MBNL2: variants seen among roughly 807,000 people sequenced by gnomAD.
MBNL2 encodes the protein muscleblind like splicing regulator 2, also known as muscleblind-like protein 2.
In MBNL2, 17 loss-of-function variants were observed where a neutral mutation model predicts 41.9. The observed-to-expected ratio is 0.41, with a 90% CI of 0.28 to 0.61. The LOEUF (loss-of-function observed/expected upper bound fraction) is 0.61. Among genes scored for constraint, MBNL2 ranks in the 20% least tolerant of loss-of-function variants. The probability of loss-of-function intolerance (pLI) is 0.35; values close to 1 mark genes in which losing one functional copy is unlikely to be tolerated. For synonymous variants in MBNL2, 195 were observed against 182.9 expected (o/e 1.07, Z -0.53); for missense variants, 336 against 505.6 (o/e 0.66, Z 3.22).
In MBNL2 at chr13:97,249,230, T is replaced by A. The variant is rs551701917; in HGVS notation, c.-604-26402T>A. Among the ~76,000 whole-genome samples, 87 of 152,338 alleles carry A rather than the reference T, an allele frequency of 5.7e-4. 1 individual carries two copies. Among genetic ancestry groups the A allele is most frequent in the African/African-American group, 1.9e-3 (81 of 41,580 alleles). On this transcript the variant is annotated intron_variant, in intron 1 of 8. Coordinates refer to ENST00000679496, the MANE Select transcript of MBNL2 (RefSeq NM_001382683.1). ...TGAATTCCCTATTTCTCAACTTGCT[T>A]GCATTTTAAGATGTTCAGTCTGGAA...
chr13:97,222,969 C>A (rs2041040177), intron 1 of MBNL2, among the ~76,000 whole-genome samples: 2 of 152,040 alleles, frequency 1.3e-5, no homozygotes, highest in South Asian at 4.1e-4. Flanking sequence ...GAATGTTTGG[C>A]CAAACGTATG....
intron 1 of MBNL2, among the ~76,000 whole-genome samples, chr13:97,235,778 C>T (rs2043164434): frequency 6.6e-6 from 1 of 152,064 alleles, no homozygotes. Flanking sequence ...GCTAGAGGGG[C>T]ATCGGCCTGG....
intron 3 of MBNL2, among the ~76,000 whole-genome samples, chr13:97,340,279 A>G (rs2061343472): frequency 6.6e-6 from 1 of 152,254 alleles, no homozygotes; most frequent in Non-Finnish European, 1.5e-5. Flanking sequence ...ATCAAAAAGG[A>G]ACATATCCAA....
chr13:97,167,352 G>A, the MBNL2 span, among the ~76,000 whole-genome samples: 2 of 150,086 alleles, frequency 1.3e-5, no homozygotes, highest in African/African-American at 2.5e-5. Context: ...TGCCATCATC[G>A]TTGTCCAAAC....
chr13:97,272,692 C>T (rs1229010900), intron 1 of MBNL2, among the ~76,000 whole-genome samples: 1 of 152,136 alleles, frequency 6.6e-6, no homozygotes, highest in Non-Finnish European at 1.5e-5. Context: ...TGTGATCTCA[C>T]TTAGAGGTTC....
intron 2 of MBNL2, among the ~76,000 whole-genome samples, chr13:97,319,860 C>T (rs150233825): frequency 2.7e-4 from 41 of 152,008 alleles, no homozygotes; most frequent in Non-Finnish European, 4.6e-4. Context: ...TTAAATCTTC[C>T]GTGGGAAAAA....
At chr13:97,383,867 A>G (rs2153163735) in intron 8 of MBNL2, among the ~76,000 whole-genome samples, 1 of 152,158 alleles carries the variant, frequency 6.6e-6, no homozygotes, top group East Asian at 1.9e-4. Flanking sequence ...GTCTTTTCAT[A>G]TACTACTGAT....
At chr13:97,299,666 A>G (rs112361261) in intron 2 of MBNL2, among the ~76,000 whole-genome samples, 9,573 of 151,936 alleles carry the variant, frequency 0.063, 425 homozygotes, top group African/African-American at 0.12. Context: ...CTATCTATCT[A>G]TCTATCTATC....
chr13:97,159,820 GC>G, the MBNL2 span, among the ~76,000 whole-genome samples: 6 of 151,540 alleles, frequency 4.0e-5, no homozygotes, highest in East Asian at 1.2e-3. Flanking sequence ...CTCTCTGGCT[GC>G]CCTTAACATT....
chr13:97,147,614 T>C, the MBNL2 span, among the ~76,000 whole-genome samples: 1 of 152,284 alleles, frequency 6.6e-6, no homozygotes, highest in East Asian at 1.9e-4. Context: ...AAAAATATAA[T>C]AGAGCCAATG....
chr13:97,165,120 C>T, the MBNL2 span, among the ~76,000 whole-genome samples: 14 of 152,272 alleles, frequency 9.2e-5, no homozygotes, highest in South Asian at 2.3e-3. Flanking sequence ...ATGAGAATTG[C>T]TTGAACCAGG....
intron 2 of MBNL2, among the ~76,000 whole-genome samples, chr13:97,289,265 G>T (rs748374363): frequency 3.3e-5 from 5 of 152,126 alleles, no homozygotes; most frequent in Non-Finnish European, 7.4e-5. Context: ...ATGACCATCT[G>T]GTCTACATCT....
At chr13:97,211,892 C>G in the MBNL2 span, among the ~76,000 whole-genome samples, 1 of 152,082 alleles carries the variant, frequency 6.6e-6, no homozygotes, top group Non-Finnish European at 1.5e-5. Context: ...AGACTATATG[C>G]CGAGATCTAA....
the MBNL2 span, among the ~76,000 whole-genome samples, chr13:97,199,688 G>A: frequency 6.6e-5 from 10 of 152,206 alleles, no homozygotes; most frequent in Admixed American, 1.3e-4. Flanking sequence ...TGCTGACAGC[G>A]CAGTGGCTAA....
the MBNL2 span, chr13:97,172,491 A>G: frequency 3.9e-5 from 6 of 152,224 alleles, no homozygotes; most frequent in African/African-American, 1.4e-4. Flanking sequence ...CTGTAGCAAG[A>G]TGAATTCTTG....
At chr13:97,218,541 A>G (rs910749773), upstream of MBNL2, among the ~76,000 whole-genome samples, 2 of 151,520 alleles carry the variant, frequency 1.3e-5, no homozygotes, top group Admixed American at 6.6e-5. Context: ...CTATTGGGCA[A>G]ATTCGAAGGT....
chr13:97,225,082 C>G (rs2041397370), intron 1 of MBNL2, among the ~76,000 whole-genome samples: 1 of 152,188 alleles, frequency 6.6e-6, no homozygotes, highest in South Asian at 2.1e-4. Flanking sequence ...GGTTAACAGC[C>G]TGCCTTCTCT....
At chr13:97,184,948 G>A in the MBNL2 span, among the ~76,000 whole-genome samples, 1 of 152,076 alleles carries the variant, frequency 6.6e-6, no homozygotes, top group African/African-American at 2.4e-5. Flanking sequence ...TAGAGAAAAG[G>A]ACCAAAGTGT....
At chr13:97,288,103 C>G (rs2055033437) in intron 2 of MBNL2, among the ~76,000 whole-genome samples, 1 of 151,884 alleles carries the variant, frequency 6.6e-6, no homozygotes, top group Non-Finnish European at 1.5e-5. Flanking sequence ...AAATGATTGT[C>G]TTAGTAGGTG....
Sources: gnomAD v4.1 joint callset for allele counts (sites outside exome capture counted in the v4.1 genomes callset) on GRCh38, gnomAD v4.1.1 for gene constraint, MANE v1.5 for transcripts, NCBI Gene and HGNC (gene_info 2026-07-23, HGNC 2026-07-21) for gene names.